Variants in YBX1 observed in about 807,000 individuals in gnomAD.
YBX1 encodes Y-box binding protein 1, also known as Y-box-binding protein 1.
In YBX1, 3 loss-of-function variants were observed where a neutral mutation model predicts 41.4. The observed-to-expected ratio is 0.07, with a 90% confidence interval of 0.03 to 0.19. The LOEUF is 0.19. YBX1 is among the 10% of genes least tolerant of loss of function. The pLI is 1.00. For missense variants in YBX1, 274 were observed against 462.8 expected (o/e 0.59, Z 3.74); for synonymous variants, 133 against 165.8 (o/e 0.80, Z 1.52).
In YBX1 at chr1:42,690,347, T is replaced by C. The variant is rs189120840; in HGVS notation, c.231-3143T>C. On this transcript the variant is annotated intron_variant, in intron 2 of 7. Coordinates refer to ENST00000321358, the MANE Select transcript of YBX1 (RefSeq NM_004559.5). ...TTTAAGTTTTCCATTTTCTTAACAA[T>C]AGAAAGTGATAAAAATGTTTTTCCC... 2.7e-3 allele frequency among the ~76,000 whole-genome samples: 405 copies of C among 151,942 alleles called. 3 individuals are homozygous for C. The highest frequency in any genetic ancestry group is 9.3e-3 in the African/African-American group (387 of 41,444).
intron 2 of YBX1, among the ~76,000 whole-genome samples, chr1:42,685,127 C>T (rs531613481): frequency 1.3e-5 from 2 of 148,900 alleles, no homozygotes; most frequent in African/African-American, 5.2e-5. Context: ...GAAGTTTTAG[C>T]ATGTGCCTTG....
At chr1:42,694,392 AAT>A (rs368518044) in intron 3 of YBX1, among the ~76,000 whole-genome samples, 34 of 137,990 alleles carry the variant, frequency 2.5e-4, no homozygotes, top group African/African-American at 8.3e-4. Flanking sequence ...AGTAGGAAAA[AAT>A]ATGTTTGTGC....
Position 42,682,741 on chromosome 1 carries a change from G to A in YBX1, c.166+10G>A, listed in dbSNP as rs1318054006. ...GACAAGAAGGTCATCGGTGAGGACC[G>A]GACAGGGACGGGGGTGGGGCCCTCG... On this transcript the variant is annotated intron_variant, in intron 1 of 7. Transcript: ENST00000321358. 4.1e-6 allele frequency: 5 copies of A among 1,218,242 alleles called. No individual in the cohort carries two copies. The highest frequency in any genetic ancestry group is 5.1e-6 in the Non-Finnish European group (5 of 980,662). 75.5% of individuals were successfully genotyped at this position (1,218,242 alleles called of 1,614,324 possible).
rs1396610834 is a variant in YBX1 at position 42,696,836 on chromosome 1, A to G, written c.549A>G (p.Gln183=). 3 of 1,612,844 alleles carry G rather than the reference A, an allele frequency of 1.9e-6. No individual in the cohort carries two copies. Among genetic ancestry groups the G allele is most frequent in the Non-Finnish European group, 8.5e-7 (1 of 1,179,218 alleles). The change falls in exon 5 of 8, where the codon CAA becomes CAG. Residue 183 remains glutamine, a synonymous_variant. Transcript: ENST00000321358. The surrounding 1 kb of genome is among the most constrained non-coding windows in gnomAD (Gnocchi z 5.7). ...AGAGTGCTCCCGAAGGCCAGGCCCA[A>G]CAACGCCGGCCCTACCGCAGGCGAA... The part of the protein sequence containing the change: ...GSESAPEGQA[Q]QRRPYRRRRF...
intron 2 of YBX1, among the ~76,000 whole-genome samples, chr1:42,687,956 CAA>C (rs1242144149): frequency 1.3e-5 from 2 of 152,138 alleles, no homozygotes; most frequent in Non-Finnish European, 2.9e-5. Context: ...TCGAAGGTTC[CAA>C]ACTGGAACCC....
At chr1:42,682,827 G>A in intron 1 of YBX1, 96 bp downstream of exon 1, 1 of 767,586 alleles carries the variant, frequency 1.3e-6, no homozygotes, top group Non-Finnish European at 1.7e-6. Context: ...CGCGGCCGGT[G>A]GGCACCGACT....
At chr1:42,691,891 TCA>T (rs1650348239) in intron 2 of YBX1, among the ~76,000 whole-genome samples, 1 of 152,124 alleles carries the variant, frequency 6.6e-6, no homozygotes, top group Non-Finnish European at 1.5e-5. Context: ...AGATGGAATC[TCA>T]CTCTGTTGCC....
intron 6 of YBX1, among the ~76,000 whole-genome samples, chr1:42,700,496 G>GTC (rs1275956327): frequency 6.6e-6 from 1 of 151,630 alleles, no homozygotes; most frequent in Non-Finnish European, 1.5e-5. Flanking sequence ...TTACTCAGGA[G>GTC]TCTGAGGTGG....
At chr1:42,701,379 T>C (rs1422511660) in intron 7 of YBX1, among the ~76,000 whole-genome samples, 1 of 152,208 alleles carries the variant, frequency 6.6e-6, no homozygotes, top group African/African-American at 2.4e-5. Flanking sequence ...GCTAGCTGTA[T>C]TCTGAGAAAT....
chr1:42,684,345 G>A (rs1377081343), intron 2 of YBX1, among the ~76,000 whole-genome samples: 7 of 152,254 alleles, frequency 4.6e-5, no homozygotes, highest in African/African-American at 1.7e-4. Context: ...AAGGCTAGTA[G>A]TGCTAGTTAC....
intron 6 of YBX1, among the ~76,000 whole-genome samples, chr1:42,698,654 T>C (rs941228434): frequency 6.6e-6 from 1 of 152,228 alleles, no homozygotes; most frequent in African/African-American, 2.4e-5. Flanking sequence ...TGTTTGTCTT[T>C]ATATTGACAA....
rs531046202 is a variant in YBX1 at position 42,691,158 on chromosome 1, T to C, written c.231-2332T>C. Among the ~76,000 whole-genome samples the C allele has an allele frequency of 2.6e-4, 40 of 152,368 alleles. 1 individual carries two copies. In the South Asian group the frequency reaches 5.8e-3, roughly 22 times the overall value. ...CAAATCACTCTTTTTAATGGTATAA[T>C]GTTTTTATTGCAATTGAGGACGTTT... is the stretch of plus-strand genomic sequence containing the variant. On this transcript the variant is annotated intron_variant, in intron 2 of 7. Transcript: ENST00000321358.
chr1:42,703,673 G>A lies in YBX1; in HGVS notation c.*1724G>A, dbSNP rs1249025018. ...CTGACTTAAACAGTGGTTTGACTTA[G>A]GGGCTTTTAGTGGGGTTACGGTTTC... On this transcript the variant is annotated 3_prime_UTR_variant, in exon 8 of 8. Coordinates refer to ENST00000321358, the MANE Select transcript of YBX1 (RefSeq NM_004559.5). Among the ~76,000 whole-genome samples the A allele has an allele frequency of 1.3e-5, 2 of 152,118 alleles. No homozygotes were observed. The highest frequency in any genetic ancestry group is 2.9e-5 in the Non-Finnish European group (2 of 68,032).
intron 1 of YBX1, 185 bp from the exon 2 acceptor site, chr1:42,683,218 C>G (rs546469528): frequency 1.4e-6 from 1 of 738,268 alleles, no homozygotes. Flanking sequence ...GCGCCCCGCG[C>G]TTCAGACTCA....
intron 6 of YBX1, among the ~76,000 whole-genome samples, 172 bp from the exon 7 acceptor site, chr1:42,700,609 T>TCCCCCC (rs5773785): frequency 2.1e-5 from 1 of 48,200 alleles, no homozygotes; most frequent in Non-Finnish European, 3.9e-5. Flanking sequence ...CTACTCAGCA[T>TCCCCCC]CCCCCCCCCC....
At chr1:42,701,337 T>G (rs1209729797) in intron 7 of YBX1, among the ~76,000 whole-genome samples, 1 of 152,196 alleles carries the variant, frequency 6.6e-6, no homozygotes, top group Non-Finnish European at 1.5e-5. Context: ...GAATGAATTT[T>G]ATGATTTCAC....
intron 6 of YBX1, among the ~76,000 whole-genome samples, chr1:42,699,458 CAG>C (rs994114649): frequency 6.6e-5 from 10 of 151,756 alleles, no homozygotes; most frequent in South Asian, 2.1e-4. Flanking sequence ...TCAGGTTGGG[CAG>C]AGAGTTGGAT....
rs917604347 is a variant in YBX1, at chr1:42,702,186, T to C, written c.*237T>C. The C allele has an allele frequency of 6.5e-6, 1 of 152,896 alleles. No individual in the cohort carries two copies. The highest frequency in any genetic ancestry group is 1.9e-4 in the East Asian group (1 of 5,192). 9.5% of individuals were successfully genotyped at this position (152,896 alleles called of 1,614,324 possible). On this transcript the variant is annotated 3_prime_UTR_variant, in exon 8 of 8. Transcript: ENST00000321358. ...AACAAACGTGTTTTTTAAAAAAGCC[T>C]GGTTTTTCTCAATACGCCTTTAAAG...
intron 3 of YBX1, among the ~76,000 whole-genome samples, chr1:42,694,685 G>A (rs1650417848): frequency 6.6e-6 from 1 of 152,130 alleles, no homozygotes; most frequent in African/African-American, 2.4e-5. Context: ...AGGTAGTTCA[G>A]GGTCAAATGT....
Sources: gnomAD v4.1 joint callset for allele counts (sites outside exome capture counted in the v4.1 genomes callset) on GRCh38, gnomAD v4.1.1 for gene constraint, Gnocchi (gnomAD v3.1) non-coding constraint, MANE v1.5 for transcripts, NCBI Gene and HGNC (gene_info 2026-07-23, HGNC 2026-07-21) for gene names.